EDAR: variants seen among roughly 807,000 people sequenced by gnomAD.
The protein encoded by EDAR is ectodysplasin A receptor.
In EDAR, 38 loss-of-function variants were observed where a neutral mutation model predicts 51.3. The observed-to-expected ratio is 0.74, with a 90% CI of 0.57 to 0.97. The LOEUF is 0.97. EDAR is among the 50% of genes least tolerant of loss of function. The pLI, the probability that EDAR is intolerant of heterozygous loss-of-function variation, is 0.00. For missense variants in EDAR, 528 were observed against 595.0 expected (o/e 0.89, Z 1.17); for synonymous variants, 227 against 242.1 (o/e 0.94, Z 0.58).
chr2:108,942,290 C>G (rs1697616602), intron 1 of EDAR, among the ~76,000 whole-genome samples: 1 of 152,176 alleles, frequency 6.6e-6, no homozygotes, highest in South Asian at 2.1e-4. Context: ...GGTGGGAGAG[C>G]CGAGGCACAA....
intron 11 of EDAR, among the ~76,000 whole-genome samples, chr2:108,900,566 A>AT (rs1696680771): frequency 1.3e-5 from 1 of 77,456 alleles, no homozygotes; most frequent in East Asian, 7.4e-4. Flanking sequence ...AAAAGAAAAA[A>AT]AAAAAAACAA....
chr2:108,958,071 C>T (rs942412466), intron 1 of EDAR, among the ~76,000 whole-genome samples: 1 of 152,128 alleles, frequency 6.6e-6, no homozygotes, highest in Non-Finnish European at 1.5e-5. Flanking sequence ...TTACCATGCC[C>T]GTGAGCCTCA....
chr2:108,902,930 G>A (rs992254079), intron 11 of EDAR, among the ~76,000 whole-genome samples: 2 of 152,074 alleles, frequency 1.3e-5, no homozygotes, highest in African/African-American at 2.4e-5. Context: ...GGAAAGAAAC[G>A]GTACACAGAT....
chr2:108,909,618 A>AG lies in EDAR; in HGVS notation c.803+841dup, dbSNP rs533988887. On this transcript the variant is annotated intron_variant, in intron 9 of 11. Coordinates refer to ENST00000258443, the MANE Select transcript of EDAR (RefSeq NM_022336.4). ...AGTGGCTGTCGGGCAGAGGCCTGGC[A>AG]GGGGGGTCCGAGCACATTGCCTGGC... Among the ~76,000 whole-genome samples, 150 of 152,336 alleles carry AG rather than the reference A, an allele frequency of 9.8e-4. 4 individuals are homozygous for AG. In the South Asian group the frequency reaches 0.02, roughly 20 times the overall value.
chr2:108,909,548 C>T (rs1307843019), intron 9 of EDAR, among the ~76,000 whole-genome samples: 3 of 152,154 alleles, frequency 2.0e-5, no homozygotes, highest in Non-Finnish European at 2.9e-5. Flanking sequence ...CCCCATCTGC[C>T]AAGGGAGGCA....
Position 108,910,966 on chromosome 2 carries a change from C to T in EDAR, c.636G>A (p.Lys212=). The T allele has an allele frequency of 6.2e-7, 1 of 1,614,140 alleles. No homozygotes were observed. The highest frequency in any genetic ancestry group is 8.5e-7 in the Non-Finnish European group (1 of 1,180,020). The change falls in exon 7 of 12, where the codon AAG becomes AAA. Residue 212 remains lysine, a synonymous_variant. Transcript: ENST00000258443. ...IVLIIMFYIL[K]TKPSAPACCT... is the part of the protein sequence containing the mutation. The stretch of plus-strand genomic sequence containing the variant: ...CGTCACCTGGGGCAGAGGGCTTTGT[C>T]TTCAGGATGTAGAACATGATGATGA...
At chr2:108,950,910 G>T (rs1157496710) in intron 1 of EDAR, among the ~76,000 whole-genome samples, 2 of 152,228 alleles carry the variant, frequency 1.3e-5, no homozygotes, top group Non-Finnish European at 2.9e-5. Context: ...CCAGGAAGGG[G>T]TGTGACCTTG....
At chr2:108,961,013 A>G (rs756305202) in intron 1 of EDAR, among the ~76,000 whole-genome samples, 2 of 152,234 alleles carry the variant, frequency 1.3e-5, no homozygotes, top group Non-Finnish European at 2.9e-5. Flanking sequence ...TCCTTACAAT[A>G]GAGTCCCAGT....
chr2:108,933,399 A>G (rs1329646658), intron 1 of EDAR, among the ~76,000 whole-genome samples: 7 of 152,166 alleles, frequency 4.6e-5, no homozygotes, highest in Non-Finnish European at 5.9e-5. Context: ...TGCTCTAAGA[A>G]TAGGTGGGAG....
At chr2:108,962,792 A>G (rs1165845958) in intron 1 of EDAR, among the ~76,000 whole-genome samples, 1 of 151,878 alleles carries the variant, frequency 6.6e-6, no homozygotes, top group Non-Finnish European at 1.5e-5. Context: ...TTCAAAACCA[A>G]CCGCAGTACC....
At chr2:108,966,216 A>G (rs1454938810) in intron 1 of EDAR, among the ~76,000 whole-genome samples, 1 of 152,178 alleles carries the variant, frequency 6.6e-6, no homozygotes, top group Admixed American at 6.5e-5. Flanking sequence ...AAGAATGCAA[A>G]GACCTGTCTG....
chr2:108,957,204 C>G (rs1165303053), intron 1 of EDAR, among the ~76,000 whole-genome samples: 1 of 152,210 alleles, frequency 6.6e-6, no homozygotes, highest in Non-Finnish European at 1.5e-5. Context: ...CAGTTCCAGC[C>G]CTCACACTGC....
chr2:108,907,714 C>T (rs1696838134), intron 10 of EDAR, 146 bp downstream of exon 10: 8 of 904,268 alleles, frequency 8.8e-6, no homozygotes, highest in Non-Finnish European at 1.4e-5. Flanking sequence ...TTGCTGTGAA[C>T]TTGTCACTGT....
intron 1 of EDAR, among the ~76,000 whole-genome samples, chr2:108,939,962 G>A (rs7598206): frequency 0.72 from 108,833 of 152,114 alleles, 41,097 homozygotes; most frequent in Non-Finnish European, 0.83. Flanking sequence ...TCTCAGTGAC[G>A]CTGATTCTGC....
intron 4 of EDAR, among the ~76,000 whole-genome samples, chr2:108,928,517 G>A (rs1295618226): frequency 6.6e-6 from 1 of 152,140 alleles, no homozygotes; most frequent in Non-Finnish European, 1.5e-5. Flanking sequence ...AGCTGTACCA[G>A]GGACACCACC....
At chr2:108,984,137 G>A (rs1164480647) in intron 1 of EDAR, among the ~76,000 whole-genome samples, 1 of 152,034 alleles carries the variant, frequency 6.6e-6, no homozygotes, top group African/African-American at 2.4e-5. Context: ...TTTGGCATGT[G>A]TTAACGGCCA....
At chr2:108,909,384 GA>G (rs1405516404) in intron 9 of EDAR, among the ~76,000 whole-genome samples, 1 of 151,922 alleles carries the variant, frequency 6.6e-6, no homozygotes, top group Non-Finnish European at 1.5e-5. Flanking sequence ...CAGCAGCTTG[GA>G]TCTGGCACAC....
intron 1 of EDAR, among the ~76,000 whole-genome samples, chr2:108,939,518 A>T: frequency 6.6e-6 from 1 of 152,286 alleles, no homozygotes; most frequent in East Asian, 1.9e-4. Context: ...CCAAGAAGAG[A>T]TGATGGCTAA....
At chr2:108,936,926 TC>T (rs1189727341) in intron 1 of EDAR, among the ~76,000 whole-genome samples, 1 of 152,224 alleles carries the variant, frequency 6.6e-6, no homozygotes, top group Non-Finnish European at 1.5e-5. Flanking sequence ...CTCAGTGATT[TC>T]TGACCCATTT....
Sources: gnomAD v4.1 joint callset for allele counts (sites outside exome capture counted in the v4.1 genomes callset) on GRCh38, gnomAD v4.1.1 for gene constraint, MANE v1.5 for transcripts, NCBI Gene and HGNC (gene_info 2026-07-23, HGNC 2026-07-21) for gene names.